The following CCDC91 variants were observed in gnomAD, a reference collection of about 807,000 sequenced individuals.
The protein encoded by CCDC91 is coiled-coil domain-containing protein 91.
CCDC91 carries 48 observed loss-of-function variants against 63.2 expected under a neutral mutation model. The ratio of observed to expected loss-of-function variants is 0.76; its 90% CI spans 0.60 to 0.97. CCDC91 has a LOEUF of 0.97. Among genes scored for constraint, CCDC91 ranks in the 50% least tolerant of loss-of-function variants. The pLI is 0.00. For synonymous variants in CCDC91, 167 were observed against 165.8 expected, an observed-to-expected ratio of 1.01 and a Z score of -0.06; for missense variants, 500 against 494.6, an observed-to-expected ratio of 1.01 and a Z score of -0.10.
chr12:28,350,839 A>G (rs1353633368), intron 6 of CCDC91, among the ~76,000 whole-genome samples: 2 of 152,096 alleles, frequency 1.3e-5, no homozygotes, highest in Admixed American at 1.3e-4. Context: ...TGTCTCAAAT[A>G]TCCCTCTCTT....
intron 8 of CCDC91, among the ~76,000 whole-genome samples, chr12:28,439,277 A>G (rs1181565530): frequency 6.6e-6 from 1 of 152,138 alleles, no homozygotes; most frequent in Non-Finnish European, 1.5e-5. Context: ...CAGTTTATCT[A>G]TGTTAGGTTT....
chr12:28,380,774 T>G (rs527911447), intron 7 of CCDC91, among the ~76,000 whole-genome samples: 1 of 152,138 alleles, frequency 6.6e-6, no homozygotes, highest in South Asian at 2.1e-4. Context: ...CAATATAATG[T>G]CAATTATTTA....
chr12:28,458,604 C>G (rs1440677302), intron 11 of CCDC91, among the ~76,000 whole-genome samples: 1 of 151,164 alleles, frequency 6.6e-6, no homozygotes, highest in African/African-American at 2.4e-5. Context: ...TGAATAGCTG[C>G]AACTACAGGT....
chr12:28,422,368 T>C (rs1948066005), intron 8 of CCDC91, among the ~76,000 whole-genome samples: 1 of 152,088 alleles, frequency 6.6e-6, no homozygotes, highest in Non-Finnish European at 1.5e-5. Flanking sequence ...TTTATAGTAA[T>C]TAATGGCATT....
At chr12:28,203,185 T>C (rs1942593821) in intron 1 of CCDC91, among the ~76,000 whole-genome samples, 1 of 152,202 alleles carries the variant, frequency 6.6e-6, no homozygotes, top group African/African-American at 2.4e-5. Flanking sequence ...TAAAATGCCA[T>C]AAAACTTGCT....
chr12:28,416,312 A>G (rs1447121406), intron 8 of CCDC91, among the ~76,000 whole-genome samples: 2 of 152,110 alleles, frequency 1.3e-5, no homozygotes. Context: ...TCTTAAACCA[A>G]TTCTGTCTTA....
At chr12:28,472,850 T>G (rs1294630378) in intron 11 of CCDC91, among the ~76,000 whole-genome samples, 1 of 152,176 alleles carries the variant, frequency 6.6e-6, no homozygotes, top group Non-Finnish European at 1.5e-5. Flanking sequence ...ATAAGTGGAT[T>G]TGGAAATACA....
chr12:28,501,921 T>C (rs1199197696), intron 12 of CCDC91, among the ~76,000 whole-genome samples: 2 of 151,948 alleles, frequency 1.3e-5, no homozygotes, highest in African/African-American at 4.8e-5. Flanking sequence ...AACTTCTTCC[T>C]GGTTTAGTCT....
At chr12:28,227,546 C>G (rs1274367140) in intron 1 of CCDC91, among the ~76,000 whole-genome samples, 1 of 151,902 alleles carries the variant, frequency 6.6e-6, no homozygotes, top group Non-Finnish European at 1.5e-5. Flanking sequence ...TTGTCTAAGC[C>G]CAAACTAATT....
chr12:28,215,386 C>G (rs1943498058), intron 1 of CCDC91, among the ~76,000 whole-genome samples: 1 of 152,116 alleles, frequency 6.6e-6, no homozygotes, highest in Non-Finnish European at 1.5e-5. Flanking sequence ...TCTTAGTTCT[C>G]TTTTTCTGGA....
chr12:28,421,359 C>T (rs1470906958), intron 8 of CCDC91, among the ~76,000 whole-genome samples: 2 of 151,928 alleles, frequency 1.3e-5, no homozygotes. Flanking sequence ...CTCCCTCTTC[C>T]CACCCTCCAC....
rs561897686 is a variant in CCDC91 at position 28,451,841 on chromosome 12, C to T, written c.925-637C>T. Among the ~76,000 whole-genome samples, 170 of 151,736 alleles carry T rather than the reference C, an allele frequency of 1.1e-3. 2 individuals carry two copies. The highest frequency in any genetic ancestry group is 3.5e-3 in the African/African-American group (145 of 41,528). Reference sequence around the variant, plus strand: ...GAATATCCACAATTATTTAAACTGGCTACTAAATACTCAGTTTTTCCTACA... The same window carrying T: ...GAATATCCACAATTATTTAAACTGGTTACTAAATACTCAGTTTTTCCTACA... On this transcript the variant is annotated intron_variant, in intron 10 of 12. Transcript: ENST00000536442.
intron 8 of CCDC91, among the ~76,000 whole-genome samples, chr12:28,423,080 AAC>A (rs768923217): frequency 1.3e-5 from 2 of 152,116 alleles, no homozygotes; most frequent in African/African-American, 2.4e-5. Context: ...GTGAAAATAC[AAC>A]AGTTGTGCAC....
chr12:28,361,082 A>G (rs919337488), intron 6 of CCDC91, among the ~76,000 whole-genome samples: 2 of 151,670 alleles, frequency 1.3e-5, no homozygotes, highest in Admixed American at 6.6e-5. Flanking sequence ...AGAAATATTT[A>G]TAGATTATAT....
At chr12:28,511,820 T>C (rs892715641) in intron 12 of CCDC91, among the ~76,000 whole-genome samples, 2 of 151,874 alleles carry the variant, frequency 1.3e-5, no homozygotes, top group Non-Finnish European at 2.9e-5. Flanking sequence ...CTGGCAGGCT[T>C]CTGTTTCCAC....
chr12:28,262,736 T>C (rs907116411), intron 3 of CCDC91, among the ~76,000 whole-genome samples: 1 of 152,042 alleles, frequency 6.6e-6, no homozygotes, highest in Non-Finnish European at 1.5e-5. Flanking sequence ...CCTTAAGTTA[T>C]GATATCTAAC....
At chr12:28,287,696 G>C (rs574249635) in intron 3 of CCDC91, among the ~76,000 whole-genome samples, 21 of 151,910 alleles carry the variant, frequency 1.4e-4, no homozygotes, top group Non-Finnish European at 2.7e-4. Flanking sequence ...CTATTTTTTG[G>C]TTCCATATGA....
At chr12:28,244,526 T>TTTTTTC (rs3064708) in intron 1 of CCDC91, among the ~76,000 whole-genome samples, 2 of 111,220 alleles carry the variant, frequency 1.8e-5, no homozygotes, top group African/African-American at 6.0e-5. Flanking sequence ...TTTTTTTTTT[T>TTTTTTC]ACAGCTCTAC....
intron 3 of CCDC91, among the ~76,000 whole-genome samples, chr12:28,279,427 G>T (rs1948453749): frequency 6.6e-6 from 1 of 152,074 alleles, no homozygotes; most frequent in South Asian, 2.1e-4. Context: ...TAGATTCTCA[G>T]AGCAATCTAT....
Sources: gnomAD v4.1 joint callset for allele counts (sites outside exome capture counted in the v4.1 genomes callset) on GRCh38, gnomAD v4.1.1 for gene constraint, MANE v1.5 for transcripts, NCBI Gene and HGNC (gene_info 2026-07-23, HGNC 2026-07-21) for gene names.